Variants in SLC17A8 observed in about 807,000 individuals in gnomAD.
SLC17A8 encodes solute carrier family 17 member 8.
A neutral mutation model predicts 58.0 loss-of-function variants in SLC17A8; 31 were observed. The observed-to-expected ratio is 0.53, with a 90% CI of 0.40 to 0.72. The LOEUF is 0.72. Ranked by LOEUF, SLC17A8 falls within the 30% of genes least tolerant of loss-of-function variation. SLC17A8 has a pLI of 0.00. For synonymous variants in SLC17A8, 228 were observed against 249.0 expected, an observed-to-expected ratio of 0.92 and a Z score of 0.79; for missense variants, 655 against 727.8, an observed-to-expected ratio of 0.90 and a Z score of 1.15.
chr12:100,367,626 C>T (rs549649033), intron 1 of SLC17A8, among the ~76,000 whole-genome samples: 12 of 152,310 alleles, frequency 7.9e-5, no homozygotes, highest in Admixed American at 2.0e-4. Flanking sequence ...TCATACCTCA[C>T]GGCAGCCTCA....
chr12:100,391,785 C>T (rs1447240269), intron 3 of SLC17A8, among the ~76,000 whole-genome samples: 1 of 152,124 alleles, frequency 6.6e-6, no homozygotes, highest in Admixed American at 6.5e-5. Context: ...GCCTCAGTTT[C>T]TTCATCTGTG....
chr12:100,393,572 C>T (rs1952732102), intron 4 of SLC17A8, 89 bp downstream of exon 4: 3 of 992,994 alleles, frequency 3.0e-6, no homozygotes, highest in African/African-American at 3.2e-5. Flanking sequence ...ATCCCCTTTA[C>T]TCAGTTTTTT....
chr12:100,384,157 G>T (rs745656589), intron 2 of SLC17A8, among the ~76,000 whole-genome samples: 2 of 152,198 alleles, frequency 1.3e-5, no homozygotes, highest in Non-Finnish European at 2.9e-5. Flanking sequence ...CCCATGGATT[G>T]TGGGCCCTGT....
At chr12:100,397,412 C>G (rs1332017806) in intron 5 of SLC17A8, among the ~76,000 whole-genome samples, 1 of 152,110 alleles carries the variant, frequency 6.6e-6, no homozygotes, top group Non-Finnish European at 1.5e-5. Flanking sequence ...GAAGTAGAGA[C>G]CATCCATCTT....
Position 100,404,056 on chromosome 12 carries a change from G to C in SLC17A8, c.1072G>C (p.Val358Leu). ...AISKVGLLSAVPHMVMTIVVP... is the reference protein window; with the variant it reads ...AISKVGLLSALPHMVMTIVVP... ...CTTCCAGGTGGGTCTCTTGTCAGCA[G>C]TCCCACACATGGTTATGACAATCGT... The change falls in exon 9 of 12, where the codon GTC becomes CTC. Residue 358 changes from valine to leucine, a missense_variant. Physicochemically the swap from Val to Leu is conservative, Grantham distance 32. Coordinates refer to ENST00000323346, the MANE Select transcript of SLC17A8 (RefSeq NM_139319.3). The C allele has an allele frequency of 6.2e-7, 1 of 1,614,130 alleles. No homozygotes were observed. The highest frequency in any genetic ancestry group is 1.1e-5 in the South Asian group (1 of 91,078).
At chr12:100,363,508 G>A (rs532573194) in intron 1 of SLC17A8, among the ~76,000 whole-genome samples, 6 of 152,050 alleles carry the variant, frequency 3.9e-5, no homozygotes, top group South Asian at 4.2e-4. Context: ...GTGGGATTAC[G>A]GGCACCCACC....
chr12:100,399,375 G>T (rs924361911), intron 5 of SLC17A8, among the ~76,000 whole-genome samples: 1 of 152,160 alleles, frequency 6.6e-6, no homozygotes, highest in Non-Finnish European at 1.5e-5. Flanking sequence ...GGATGAGGAA[G>T]ATTTTTTCTG....
intron 11 of SLC17A8, among the ~76,000 whole-genome samples, chr12:100,419,604 TG>T (rs1274106247): frequency 6.6e-6 from 1 of 152,166 alleles, no homozygotes; most frequent in Non-Finnish European, 1.5e-5. Context: ...TCATATTCAT[TG>T]TTGTCTTAAC....
Position 100,420,431 on chromosome 12 carries a change from G to A in SLC17A8, c.*272G>A. 2.5e-6 allele frequency: 1 copy of A among 395,118 alleles called. No individual in the cohort carries two copies. The highest frequency in any genetic ancestry group is 4.6e-6 in the Non-Finnish European group (1 of 215,636). The allele number at this position is 395,118 out of a possible 1,614,324, so 24.5% of individuals were successfully genotyped here. A position where few individuals can be genotyped will look rare whatever the true frequency, so the allele number is the denominator to read the frequency against. On this transcript the variant is annotated 3_prime_UTR_variant, in exon 12 of 12. Coordinates refer to ENST00000323346, the MANE Select transcript of SLC17A8 (RefSeq NM_139319.3). ...AAACTTATTCAGAAAGGAATGACTA[G>A]AAGAAAAAGGAGACAATACCATGTT... is the stretch of plus-strand genomic sequence containing the variant.
At chr12:100,389,737 A>T (rs1173654064) in intron 2 of SLC17A8, among the ~76,000 whole-genome samples, 1 of 151,162 alleles carries the variant, frequency 6.6e-6, no homozygotes, top group East Asian at 1.9e-4. Flanking sequence ...GGTTCCAGGG[A>T]TCCTCCCATC....
chr12:100,396,238 T>G, intron 4 of SLC17A8, 92 bp from the exon 5 acceptor site: 1 of 1,015,250 alleles, frequency 9.8e-7, no homozygotes, highest in Non-Finnish European at 1.6e-6. Flanking sequence ...GGCTTTTATA[T>G]TGTAGCCTGT....
At chr12:100,364,691 C>T (rs1318331290) in intron 1 of SLC17A8, among the ~76,000 whole-genome samples, 1 of 152,224 alleles carries the variant, frequency 6.6e-6, no homozygotes, top group Non-Finnish European at 1.5e-5. Flanking sequence ...CATCTCTTCC[C>T]CAGATCTTTT....
At chr12:100,400,371 C>T (rs1170889922) in intron 5 of SLC17A8, among the ~76,000 whole-genome samples, 2 of 152,144 alleles carry the variant, frequency 1.3e-5, no homozygotes, top group Non-Finnish European at 2.9e-5. Flanking sequence ...TAATAGCTGG[C>T]ATTTGTGTAA....
At chr12:100,357,863 T>C (rs1235255177) in intron 1 of SLC17A8, among the ~76,000 whole-genome samples, 1 of 152,174 alleles carries the variant, frequency 6.6e-6, no homozygotes, top group Non-Finnish European at 1.5e-5. Flanking sequence ...ATAATTTTTA[T>C]GTTTTTCACT....
chr12:100,405,496 A>G (rs924885926), intron 9 of SLC17A8, among the ~76,000 whole-genome samples: 2 of 152,120 alleles, frequency 1.3e-5, no homozygotes, highest in Non-Finnish European at 2.9e-5. Context: ...AGGAGGAAGG[A>G]GGGTCAGAGT....
chr12:100,419,982 G>C lies in SLC17A8; in HGVS notation c.1593G>C (p.Glu531Asp), dbSNP rs1952936099. ...GIIDQDELAE[E>D]IELNHESFAS... ...TTGACCAGGACGAATTAGCTGAGGA[G>C]ATAGAACTCAACCATGAGAGTTTTG... Residue 531 changes from glutamate (E) to aspartate (D), a missense_variant, in exon 12 of 12, where the codon GAG (glutamate) becomes GAC (aspartate). Glu to Asp is a conservative substitution (Grantham distance 45). Coordinates refer to ENST00000323346, the MANE Select transcript of SLC17A8 (RefSeq NM_139319.3). 1 of 1,614,004 alleles carries C rather than the reference G, an allele frequency of 6.2e-7. No individual in the cohort carries two copies.
At chr12:100,397,687 A>T (rs867042111) in intron 5 of SLC17A8, among the ~76,000 whole-genome samples, 81 of 152,278 alleles carry the variant, frequency 5.3e-4, no homozygotes, top group African/African-American at 1.8e-3. Context: ...TCACACCTGT[A>T]ATCCCAGCAC....
intron 9 of SLC17A8, among the ~76,000 whole-genome samples, chr12:100,410,082 G>A (rs965055374): frequency 6.6e-6 from 1 of 152,222 alleles, no homozygotes; most frequent in South Asian, 2.1e-4. Flanking sequence ...TATTGTGGCT[G>A]AGCATGGTGG....
Position 100,420,118 on chromosome 12 carries a change from T to G in SLC17A8, c.1729T>G (p.Ser577Ala), listed in dbSNP as rs1952938296. 1.2e-6 allele frequency: 2 copies of G among 1,613,806 alleles called. No individual in the cohort carries two copies. Among genetic ancestry groups the G allele is most frequent in the Non-Finnish European group, 1.7e-6 (2 of 1,179,948 alleles). The change falls in exon 12 of 12, where the codon TCC (serine) becomes GCC (alanine). Residue 577 changes from serine to alanine, a missense_variant. By Grantham distance (99) the Ser-to-Ala change is moderately conservative (BLOSUM62 1). Transcript: ENST00000323346. ...GACCCTTGATGAGGAAGAGCTGACATCCTACCAGAATGAAGAGAGAAACTT... is the reference window on the plus strand; with the variant it reads ...GACCCTTGATGAGGAAGAGCTGACAGCCTACCAGAATGAAGAGAGAAACTT... ...GATLDEEELT[S>A]YQNEERNFST...
Sources: gnomAD v4.1 joint callset for allele counts (sites outside exome capture counted in the v4.1 genomes callset) on GRCh38, gnomAD v4.1.1 for gene constraint, MANE v1.5 for transcripts, NCBI Gene and HGNC (gene_info 2026-07-23, HGNC 2026-07-21) for gene names.